Variants in MYO3B observed in about 807,000 individuals in gnomAD.
The protein encoded by MYO3B is myosin IIIB.
MYO3B carries 156 observed loss-of-function variants against 174.6 expected under a neutral mutation model. The ratio of observed to expected loss-of-function variants is 0.89; its 90% CI spans 0.78 to 1.02. MYO3B has a LOEUF of 1.02. Among genes scored for constraint, MYO3B ranks in the 50% least tolerant of loss-of-function variants. The pLI is 0.00. For missense variants in MYO3B, 1,632 were observed against 1,639.4 expected (o/e 1.00, Z 0.08); for synonymous variants, 563 against 569.1 (o/e 0.99, Z 0.15).
At chr2:170,601,883 C>T in intron 32 of MYO3B, 1 of 854,244 alleles carries the variant, frequency 1.2e-6, no homozygotes, top group Non-Finnish European at 1.9e-6. Flanking sequence ...CCAGGATGCT[C>T]TCCTTTGATT....
At chr2:170,386,440 G>A (rs2094375941) in intron 13 of MYO3B, among the ~76,000 whole-genome samples, 168 bp downstream of exon 13, 1 of 152,074 alleles carries the variant, frequency 6.6e-6, no homozygotes, top group Non-Finnish European at 1.5e-5. Flanking sequence ...ATGTCAGCAT[G>A]CTATCCTTCC....
chr2:170,292,101 A>T (rs1220968505), intron 7 of MYO3B, among the ~76,000 whole-genome samples: 36 of 152,036 alleles, frequency 2.4e-4, no homozygotes, highest in Non-Finnish European at 4.4e-5. Flanking sequence ...TGCATCTTGT[A>T]GTTGGTTTTC....
chr2:170,380,519 G>T (rs2094327686), intron 9 of MYO3B, among the ~76,000 whole-genome samples: 1 of 152,130 alleles, frequency 6.6e-6, no homozygotes, highest in South Asian at 2.1e-4. Flanking sequence ...CTGAAACTAG[G>T]GTCCAGAGCT....
At chr2:170,313,416 C>G (rs1413830082) in intron 7 of MYO3B, among the ~76,000 whole-genome samples, 1 of 152,110 alleles carries the variant, frequency 6.6e-6, no homozygotes, top group African/African-American at 2.4e-5. Flanking sequence ...TTGGGGTTAA[C>G]CTTAGAAAAA....
rs2092717883 is a variant in MYO3B at position 170,206,882 on chromosome 2, G to T, written c.321+6598G>T. 6.6e-6 allele frequency among the ~76,000 whole-genome samples: 1 copy of T among 152,048 alleles called. No homozygotes were observed. The highest frequency in any genetic ancestry group is 2.4e-5 in the African/African-American group (1 of 41,400). Reference sequence around the variant, plus strand: ...TCCCTTTGGTATCTTTGATGTTCCTGGTCTCTGACACTCCCTCCTATCATG... The same window carrying T: ...TCCCTTTGGTATCTTTGATGTTCCTTGTCTCTGACACTCCCTCCTATCATG... On this transcript the variant is annotated intron_variant, in intron 3 of 34. Coordinates refer to ENST00000408978, the MANE Select transcript of MYO3B (RefSeq NM_138995.5). The surrounding 1 kb of genome is among the most constrained non-coding windows in gnomAD (Gnocchi z 4.3).
At chr2:170,313,990 A>G (rs1029666033) in intron 7 of MYO3B, among the ~76,000 whole-genome samples, 1 of 152,180 alleles carries the variant, frequency 6.6e-6, no homozygotes, top group African/African-American at 2.4e-5. Context: ...CAAGGGTCCA[A>G]TTGGGTTTTC....
intron 34 of MYO3B, among the ~76,000 whole-genome samples, chr2:170,652,617 G>A (rs1175264379): frequency 6.6e-6 from 1 of 152,218 alleles, no homozygotes; most frequent in Non-Finnish European, 1.5e-5. Context: ...ATTGAGAACA[G>A]CAATGAAGTA....
chr2:170,235,910 G>T lies in MYO3B; in HGVS notation c.604-81G>T, dbSNP rs567907816. The T allele has an allele frequency of 1.7e-5, 27 of 1,564,914 alleles. No homozygotes were observed. In the South Asian group the frequency reaches 2.9e-4, roughly 17 times the overall value. On this transcript the variant is annotated intron_variant, in intron 6 of 34. Coordinates refer to ENST00000408978, the MANE Select transcript of MYO3B (RefSeq NM_138995.5). ...CGTGGCCAAGAAAACTGAGAACGGGGCTAAGATCAGCCCAGGGCCTTTTTA... is the reference window on the plus strand; with the variant it reads ...CGTGGCCAAGAAAACTGAGAACGGGTCTAAGATCAGCCCAGGGCCTTTTTA...
intron 22 of MYO3B, among the ~76,000 whole-genome samples, chr2:170,416,078 G>T (rs893035895): frequency 6.6e-5 from 10 of 152,114 alleles, no homozygotes; most frequent in African/African-American, 2.4e-5. Flanking sequence ...ATAAAAAGGG[G>T]AAATCTGAAC....
At chr2:170,423,803 T>A (rs894679389) in intron 22 of MYO3B, among the ~76,000 whole-genome samples, 1 of 152,128 alleles carries the variant, frequency 6.6e-6, no homozygotes, top group Non-Finnish European at 1.5e-5. Flanking sequence ...ATGGTCTTGG[T>A]CTCTTTACTT....
At chr2:170,288,012 G>A (rs893039640) in intron 7 of MYO3B, among the ~76,000 whole-genome samples, 3 of 152,036 alleles carry the variant, frequency 2.0e-5, no homozygotes, top group Non-Finnish European at 4.4e-5. Flanking sequence ...TGGTACCTTT[G>A]TCAAAGATGA....
Position 170,193,358 on chromosome 2 carries a change from C to T in MYO3B, c.3-5850C>T, listed in dbSNP as rs570837292. On this transcript the variant is annotated intron_variant, in intron 1 of 34. Coordinates refer to ENST00000408978, the MANE Select transcript of MYO3B (RefSeq NM_138995.5). ...CTTTTCTGATATTAATATTATGATT[C>T]TTTTTGGTTTTGTTATCATTTACCT... Among the ~76,000 whole-genome samples, 9 of 151,750 alleles carry T rather than the reference C, an allele frequency of 5.9e-5. No homozygotes were observed. The South Asian group carries it at 6.3e-4, about 11-fold the overall frequency.
At chr2:170,299,382 C>T (rs1479456735) in intron 7 of MYO3B, among the ~76,000 whole-genome samples, 2 of 152,150 alleles carry the variant, frequency 1.3e-5, no homozygotes, top group Non-Finnish European at 2.9e-5. Flanking sequence ...ACTGGCTTGT[C>T]TGATATCACA....
chr2:170,254,486 C>T (rs546927354), intron 7 of MYO3B, among the ~76,000 whole-genome samples: 25 of 152,310 alleles, frequency 1.6e-4, no homozygotes, highest in Non-Finnish European at 3.4e-4. Flanking sequence ...CCTCCCAAGG[C>T]CTCCTGCCTG....
At chr2:170,377,423 C>T (rs1469182654) in intron 9 of MYO3B, among the ~76,000 whole-genome samples, 1 of 152,224 alleles carries the variant, frequency 6.6e-6, no homozygotes, top group Non-Finnish European at 1.5e-5. Context: ...CAGCCTCTAC[C>T]TCTGGCTCTG....
At chr2:170,548,106 CAAAAAAAAAAAA>C (rs10532249) in intron 32 of MYO3B, among the ~76,000 whole-genome samples, 14 of 51,686 alleles carry the variant, frequency 2.7e-4, no homozygotes, top group African/African-American at 1.2e-3. Context: ...GACTCCGTCT[CAAAAAAAAAAAA>C]AAAAAAAAAA....
chr2:170,625,186 C>T (rs1055682911), intron 32 of MYO3B, among the ~76,000 whole-genome samples: 2 of 152,166 alleles, frequency 1.3e-5, no homozygotes, highest in South Asian at 2.1e-4. Context: ...GCTGTGAATC[C>T]GTCTGGTCCT....
intron 32 of MYO3B, among the ~76,000 whole-genome samples, chr2:170,628,220 GT>G (rs1696630830): frequency 6.6e-6 from 1 of 152,212 alleles, no homozygotes; most frequent in African/African-American, 2.4e-5. Flanking sequence ...TGGCTGCTTT[GT>G]TTACCTACTC....
intron 7 of MYO3B, among the ~76,000 whole-genome samples, chr2:170,325,136 A>G (rs1348380089): frequency 3.3e-5 from 5 of 151,996 alleles, no homozygotes; most frequent in Non-Finnish European, 7.4e-5. Context: ...CTATATCTGT[A>G]TTCTTTAGAA....
Sources: allele counts gnomAD v4.1 joint callset (sites outside exome capture counted in the v4.1 genomes callset), GRCh38; gene constraint gnomAD v4.1.1; non-coding constraint Gnocchi (gnomAD v3.1); transcripts MANE v1.5; gene names NCBI Gene and HGNC (gene_info 2026-07-23, HGNC 2026-07-21).